NEU3: variants seen among roughly 807,000 people sequenced by gnomAD.
The protein encoded by NEU3 is neuraminidase 3, also known as sialidase-3.
In NEU3, 10 loss-of-function variants were observed where a neutral mutation model predicts 11.4. The ratio of observed to expected loss-of-function variants is 0.88; its 90% CI spans 0.54 to 1.49. The LOEUF (loss-of-function observed/expected upper bound fraction) is 1.49, where lower values mean the gene tolerates loss of function less well. Among genes scored for constraint, NEU3 ranks in the 40% most tolerant of loss-of-function variants. NEU3 has a pLI of 0.00. For missense variants in NEU3, 529 were observed against 581.8 expected, an observed-to-expected ratio of 0.91 and a Z score of 0.93; for synonymous variants, 212 against 228.2, an observed-to-expected ratio of 0.93 and a Z score of 0.64.
chr11:74,995,764 G>C (rs1266169566), intron 2 of NEU3, among the ~76,000 whole-genome samples: 1 of 149,870 alleles, frequency 6.7e-6, no homozygotes, highest in Non-Finnish European at 1.5e-5. Flanking sequence ...GACTTATCAG[G>C]GTGGTGGTTG....
chr11:75,000,048 T>C (rs1185824520), intron 2 of NEU3, among the ~76,000 whole-genome samples: 4 of 152,164 alleles, frequency 2.6e-5, no homozygotes, highest in Non-Finnish European at 2.9e-5. Flanking sequence ...AACTTGGGAC[T>C]CCAAGGGTAG....
intron 3 of NEU3, among the ~76,000 whole-genome samples, chr11:75,016,175 C>T (rs936579233): frequency 2.1e-4 from 32 of 152,272 alleles, no homozygotes; most frequent in African/African-American, 7.5e-4. Context: ...ATATGAGATT[C>T]AAGGGTGAAA....
At chr11:74,993,623 T>C (rs1948755351) in intron 1 of NEU3, among the ~76,000 whole-genome samples, 1 of 152,188 alleles carries the variant, frequency 6.6e-6, no homozygotes, top group Non-Finnish European at 1.5e-5. Context: ...ACTAGTATCT[T>C]AATTCACTTT....
At chr11:75,014,483 C>T (rs1002776963), downstream of NEU3, among the ~76,000 whole-genome samples, 1 of 152,208 alleles carries the variant, frequency 6.6e-6, no homozygotes, top group Admixed American at 6.5e-5. Flanking sequence ...CTAATCCTCA[C>T]AACAGCCAAA....
chr11:74,988,171 A>T (rs887389475), upstream of NEU3: 7 of 152,038 alleles, frequency 4.6e-5, no homozygotes, highest in African/African-American at 1.5e-4. Flanking sequence ...TCTTCTTTTT[A>T]AAATTGTTAT....
At position 75,000,816 on chromosome 11, in the gene NEU3, T is replaced by TATTTATTG. The variant is rs1555118936; in HGVS notation, c.307-4594_307-4593insTATTGATT. Among the ~76,000 whole-genome samples the TATTTATTG allele has an allele frequency of 1.6e-3, 245 of 151,050 alleles. 2 individuals are homozygous for TATTTATTG. Among genetic ancestry groups the TATTTATTG allele is most frequent in the Middle Eastern group, 6.8e-3 (2 of 294 alleles). The stretch of plus-strand genomic sequence containing the variant: ...TTATTTATTTATTTATTTATTTATT[T>TATTTATTG]ATTGTAGAAATGGGGTTTCAGTATG... On this transcript the variant is annotated intron_variant, in intron 2 of 2. Transcript: ENST00000294064.
downstream of NEU3, among the ~76,000 whole-genome samples, chr11:75,012,159 G>A (rs145121293): frequency 2.6e-5 from 4 of 152,254 alleles, no homozygotes; most frequent in East Asian, 1.9e-4. Flanking sequence ...GGGACTTAGC[G>A]GGTGGTAATT....
chr11:75,002,479 G>T (rs1436268619), intron 2 of NEU3, among the ~76,000 whole-genome samples: 1 of 152,102 alleles, frequency 6.6e-6, no homozygotes, highest in African/African-American at 2.4e-5. Flanking sequence ...AATCACTATT[G>T]TTTCTTGTTA....
At chr11:74,996,119 C>T (rs1191562049) in intron 2 of NEU3, among the ~76,000 whole-genome samples, 2 of 152,086 alleles carry the variant, frequency 1.3e-5, no homozygotes, top group Non-Finnish European at 2.9e-5. Flanking sequence ...GTGCCACTGC[C>T]CTCCCGCCTG....
downstream of NEU3, among the ~76,000 whole-genome samples, chr11:75,012,558 T>G (rs145192955): frequency 1.9e-3 from 287 of 152,218 alleles, 1 homozygote; most frequent in African/African-American, 4.5e-3. Flanking sequence ...GATAGTAGAG[T>G]ATTAAACCTT....
downstream of NEU3, among the ~76,000 whole-genome samples, chr11:75,015,611 G>T (rs1948977522): frequency 6.6e-6 from 1 of 152,126 alleles, no homozygotes; most frequent in African/African-American, 2.4e-5. Flanking sequence ...CGATGCTGCA[G>T]GTGCACAGAC....
Position 75,008,557 on chromosome 11 carries a change from CTT to C in NEU3, c.*2079_*2080del, listed in dbSNP as rs5792678. 2.2e-3 allele frequency: 310 copies of C among 139,932 alleles called. No individual in the cohort carries two copies. The highest frequency in any genetic ancestry group is 2.1e-3 in the Admixed American group (29 of 14,022). 8.7% of individuals were successfully genotyped at this position (139,932 alleles called of 1,614,324 possible). A position where few individuals can be genotyped will look rare whatever the true frequency, so the allele number is the denominator to read the frequency against. ...ATGAAAAGAATGAGAATATCAACTT[CTT>C]TTTTTTTTTTTTTGAGACAGAATCT... On this transcript the variant is annotated 3_prime_UTR_variant, in exon 3 of 3. Coordinates refer to ENST00000294064, the MANE Select transcript of NEU3 (RefSeq NM_006656.6).
chr11:75,011,474 G>A (rs1948954974), downstream of NEU3, among the ~76,000 whole-genome samples: 1 of 152,174 alleles, frequency 6.6e-6, no homozygotes, highest in Non-Finnish European at 1.5e-5. Context: ...CTTTCAGGCT[G>A]GGCATGGTGG....
downstream of NEU3, among the ~76,000 whole-genome samples, chr11:75,011,229 C>A (rs995617549): frequency 2.0e-5 from 3 of 152,128 alleles, no homozygotes; most frequent in African/African-American, 7.2e-5. Context: ...ATATCTTACC[C>A]TTTTTTCAAA....
At position 74,989,217 on chromosome 11, in the gene NEU3, G is replaced by A. The variant is rs970555141; in HGVS notation, c.94+63G>A. On this transcript the variant is annotated intron_variant, in intron 1 of 2. Coordinates refer to ENST00000294064, the MANE Select transcript of NEU3 (RefSeq NM_006656.6). ...GGACTCAACTGTGGGGACAGGTTGA[G>A]CAAGACCATCTGCGTTTGGGAAATC... 9 of 1,359,440 alleles carry A rather than the reference G, an allele frequency of 6.6e-6. No individual in the cohort carries two copies. The East Asian group carries it at 1.5e-4, about 23-fold the overall frequency. The allele number at this position is 1,359,440 out of a possible 1,614,324, so 84.2% of individuals were successfully genotyped here.
rs1948908326 is a variant in NEU3, at chr11:75,007,204, A to G, written c.*712A>G. ...AGAATCTCAATGCCAGTAGTACTGG[A>G]TAATAGTGCGTATTGCTTCTGGTGG... On this transcript the variant is annotated 3_prime_UTR_variant, in exon 3 of 3. Coordinates refer to ENST00000294064, the MANE Select transcript of NEU3 (RefSeq NM_006656.6). 2 of 152,178 alleles carry G rather than the reference A, an allele frequency of 1.3e-5. No individual in the cohort carries two copies. The highest frequency in any genetic ancestry group is 6.5e-5 in the Admixed American group (1 of 15,270). The allele number at this position is 152,178 out of a possible 1,614,324, so 9.4% of individuals were successfully genotyped here. A position where few individuals can be genotyped will look rare whatever the true frequency, so the allele number is the denominator to read the frequency against.
intron 1 of NEU3, among the ~76,000 whole-genome samples, chr11:74,993,240 G>A (rs1356453353): frequency 1.3e-5 from 2 of 152,046 alleles, no homozygotes; most frequent in Admixed American, 6.6e-5. Context: ...GTCTTGCTCC[G>A]TCTCCCAGGC....
chr11:74,995,788 G>GTATTATTAT (rs59676820), intron 2 of NEU3, among the ~76,000 whole-genome samples: 4 of 147,348 alleles, frequency 2.7e-5, no homozygotes, highest in South Asian at 2.2e-4. Flanking sequence ...AAGATTTAGT[G>GTATTATTAT]TATTATTATT....
At chr11:74,996,135 CAG>C (rs1565494505) in intron 2 of NEU3, among the ~76,000 whole-genome samples, 1 of 152,100 alleles carries the variant, frequency 6.6e-6, no homozygotes, top group Admixed American at 6.5e-5. Flanking sequence ...GCCTGGGGGA[CAG>C]AGCAATACCC....
Sources: gnomAD v4.1 joint callset for allele counts (sites outside exome capture counted in the v4.1 genomes callset) on GRCh38, gnomAD v4.1.1 for gene constraint, MANE v1.5 for transcripts, NCBI Gene and HGNC (gene_info 2026-07-23, HGNC 2026-07-21) for gene names.